PLCL2: variants seen among roughly 807,000 people sequenced by gnomAD.
PLCL2 encodes inactive phospholipase C-like protein 2.
PLCL2 carries 4 observed loss-of-function variants against 79.6 expected under a neutral mutation model. The observed-to-expected ratio is 0.05, with a 90% confidence interval of 0.02 to 0.11. The LOEUF is 0.11. Ranked by LOEUF, PLCL2 falls within the 10% of genes least tolerant of loss-of-function variation. The probability of loss-of-function intolerance (pLI) is 1.00; values close to 1 mark genes in which losing one functional copy is unlikely to be tolerated. For synonymous variants in PLCL2, 484 were observed against 457.7 expected, an observed-to-expected ratio of 1.06 and a Z score of -0.73; for missense variants, 895 against 1,291.0, an observed-to-expected ratio of 0.69 and a Z score of 4.70.
intron 1 of PLCL2, among the ~76,000 whole-genome samples, chr3:16,921,492 G>T (rs2124935020): frequency 6.6e-6 from 1 of 152,248 alleles, no homozygotes; most frequent in East Asian, 1.9e-4. Flanking sequence ...CATGAGCTGA[G>T]AATAATCTTT....
In PLCL2 at chr3:16,885,349, C is replaced by G. The variant is rs1347311081; in HGVS notation, c.310C>G (p.Arg104Gly). The change falls in exon 1 of 6, where the codon CGG becomes GGG. Residue 104 changes from arginine to glycine, a missense_variant. By Grantham distance (125) the Arg-to-Gly change is moderately radical. Around this residue, in one of 6 missense-constraint regions of PLCL2, gnomAD observed 110 missense variants for 42.9 expected, o/e 2.56. Coordinates refer to ENST00000615277, the MANE Select transcript of PLCL2 (RefSeq NM_001144382.2). ...RESKPGGLPRRSSIIKDGTKQ... is the reference protein window; with the variant it reads ...RESKPGGLPRGSSIIKDGTKQ... ...GAGCAAGCCGGGCGGCCTGCCCCGC[C>G]GGAGCAGCATCATCAAGGTAGGTGG... is the stretch of plus-strand genomic sequence containing the variant. 3 of 651,024 alleles carry G rather than the reference C, an allele frequency of 4.6e-6. No homozygotes were observed. Among genetic ancestry groups the G allele is most frequent in the Non-Finnish European group, 8.3e-6 (3 of 360,800 alleles). The allele number at this position is 651,024 out of a possible 1,614,324, so 40.3% of individuals were successfully genotyped here.
chr3:17,067,558 C>T (rs1274676773), intron 4 of PLCL2, among the ~76,000 whole-genome samples: 11 of 152,186 alleles, frequency 7.2e-5, no homozygotes, highest in Non-Finnish European at 1.3e-4. Flanking sequence ...TTCTATCCCT[C>T]GTCTCCACTG....
In PLCL2 at chr3:16,917,649, C is replaced by G. The variant is rs79785931; in HGVS notation, c.327+32283C>G. Reference sequence around the variant, plus strand: ...GTAGCCTCTCCACTCATGATAGTTCCAGATAGTTGGATGTTCCCCAGAGTA... The same window carrying G: ...GTAGCCTCTCCACTCATGATAGTTCGAGATAGTTGGATGTTCCCCAGAGTA... On this transcript the variant is annotated intron_variant, in intron 1 of 5. Transcript: ENST00000615277. Among the ~76,000 whole-genome samples, 1,075 of 152,244 alleles carry G rather than the reference C, an allele frequency of 7.1e-3. 17 individuals carry two copies. The highest frequency in any genetic ancestry group is 0.024 in the African/African-American group (978 of 41,534).
Position 16,887,769 on chromosome 3 carries a change from A to G in PLCL2, c.327+2403A>G, listed in dbSNP as rs375378373. 4.0e-4 allele frequency among the ~76,000 whole-genome samples: 61 copies of G among 152,318 alleles called. No homozygotes were observed. Among genetic ancestry groups the G allele is most frequent in the African/African-American group, 1.4e-3 (59 of 41,552 alleles). On this transcript the variant is annotated intron_variant, in intron 1 of 5. Transcript: ENST00000615277. This position sits in a 1 kb window ranked among gnomAD's most constrained non-coding sequence, Gnocchi z 4.1. ...CTGCACAGATAGTTTTGTCATGTGA[A>G]TGGCAGAAATTATGTTTCACTTTTG... is the stretch of plus-strand genomic sequence containing the variant.
intron 3 of PLCL2, among the ~76,000 whole-genome samples, chr3:17,034,719 G>T (rs186252108): frequency 2.6e-5 from 4 of 152,116 alleles, no homozygotes; most frequent in Non-Finnish European, 4.4e-5. Flanking sequence ...CCAGAAATAC[G>T]CTGTGGAAAC....
chr3:16,990,186 A>C (rs2064089930), intron 1 of PLCL2, among the ~76,000 whole-genome samples: 2 of 152,210 alleles, frequency 1.3e-5, no homozygotes, highest in Non-Finnish European at 2.9e-5. Context: ...ATTTATTGGG[A>C]GCATCAGAAT....
chr3:16,899,262 A>G (rs1274916722), intron 1 of PLCL2, among the ~76,000 whole-genome samples: 1 of 152,210 alleles, frequency 6.6e-6, no homozygotes, highest in Admixed American at 6.5e-5. Context: ...CAGCAGGGAG[A>G]GGAACAGTTG....
intron 1 of PLCL2, among the ~76,000 whole-genome samples, chr3:16,946,710 T>C (rs1479926021): frequency 2.0e-5 from 3 of 152,178 alleles, no homozygotes; most frequent in Non-Finnish European, 2.9e-5. Flanking sequence ...TTTTCTAGTC[T>C]ATAAATGGAA....
intron 1 of PLCL2, among the ~76,000 whole-genome samples, chr3:16,983,330 TAA>T (rs2064018864): frequency 6.6e-6 from 1 of 152,228 alleles, no homozygotes; most frequent in African/African-American, 2.4e-5. Flanking sequence ...CTTGTGGGAA[TAA>T]AGTCACCCAT....
chr3:17,038,200 C>T (rs1173304272), intron 3 of PLCL2, among the ~76,000 whole-genome samples: 1 of 152,124 alleles, frequency 6.6e-6, no homozygotes, highest in Admixed American at 6.5e-5. Flanking sequence ...ATTTTCCAAA[C>T]ACTTTAGTTC....
chr3:17,053,203 C>T (rs983999602), intron 4 of PLCL2, among the ~76,000 whole-genome samples: 3 of 152,204 alleles, frequency 2.0e-5, no homozygotes, highest in Non-Finnish European at 4.4e-5. Flanking sequence ...GTACAGGAAG[C>T]ATGATGCTGG....
intron 1 of PLCL2, among the ~76,000 whole-genome samples, chr3:16,913,633 C>T (rs1696929282): frequency 6.6e-6 from 1 of 151,484 alleles, no homozygotes; most frequent in Non-Finnish European, 1.5e-5. Flanking sequence ...GTGAAATGAC[C>T]TTGTTTTGAG....
intron 1 of PLCL2, among the ~76,000 whole-genome samples, chr3:16,984,572 G>A (rs2064029755): frequency 1.3e-5 from 2 of 152,042 alleles, no homozygotes; most frequent in Admixed American, 1.3e-4. Context: ...TAATTGACAT[G>A]GAAAGTCAGA....
intron 3 of PLCL2, among the ~76,000 whole-genome samples, chr3:17,033,372 A>G (rs1472130353): frequency 2.0e-5 from 3 of 152,214 alleles, no homozygotes; most frequent in Non-Finnish European, 4.4e-5. Context: ...CGTGGCAGAA[A>G]CTGAGAATTT....
chr3:17,077,812 G>A (rs374460108), intron 5 of PLCL2, among the ~76,000 whole-genome samples: 4 of 152,164 alleles, frequency 2.6e-5, no homozygotes, highest in South Asian at 2.1e-4. Flanking sequence ...CTTGGAGACC[G>A]GAAACTGCAG....
At chr3:17,085,171 G>A (rs943144245) in intron 5 of PLCL2, among the ~76,000 whole-genome samples, 4 of 152,012 alleles carry the variant, frequency 2.6e-5, no homozygotes, top group Admixed American at 2.0e-4. Context: ...GTCTCACTCT[G>A]TCACCCAGGC....
intron 1 of PLCL2, among the ~76,000 whole-genome samples, chr3:16,984,065 G>A (rs867837711): frequency 6.6e-6 from 1 of 152,158 alleles, no homozygotes; most frequent in Admixed American, 6.5e-5. Flanking sequence ...CTATGGTTCT[G>A]CCAGAAGCTA....
rs1697336305 is a variant in PLCL2 at position 16,929,196 on chromosome 3, GGGGAGGAGGGAATGGGCTACA to G, written c.327+43840_327+43860del. ...AGGAAACCAAGGATCGTGGGAGAGA[GGGGAGGAGGGAATGGGCTACA>G]GGGAGGAGGAAAGAAACTGCTCTGC... is the stretch of plus-strand genomic sequence containing the variant. On this transcript the variant is annotated intron_variant, in intron 1 of 5. Coordinates refer to ENST00000615277, the MANE Select transcript of PLCL2 (RefSeq NM_001144382.2). Among the ~76,000 whole-genome samples, 5 of 152,170 alleles carry G rather than the reference GGGGAGGAGGGAATGGGCTACA, an allele frequency of 3.3e-5. No individual in the cohort carries two copies. In the South Asian group the frequency reaches 1.0e-3, roughly 32 times the overall value.
intron 1 of PLCL2, among the ~76,000 whole-genome samples, chr3:16,894,426 T>C (rs952892832): frequency 1.3e-4 from 20 of 152,194 alleles, no homozygotes; most frequent in Non-Finnish European, 2.8e-4. Context: ...CCAGAAATAA[T>C]TTTCTATACA....
Sources: allele counts gnomAD v4.1 joint callset (sites outside exome capture counted in the v4.1 genomes callset), GRCh38; gene constraint gnomAD v4.1.1; regional missense constraint gnomAD v4.1.1; non-coding constraint Gnocchi (gnomAD v3.1); transcripts MANE v1.5; gene names NCBI Gene and HGNC (gene_info 2026-07-23, HGNC 2026-07-21).